The following DPP6 variants were observed in gnomAD, a reference collection of about 807,000 sequenced individuals.
The protein encoded by DPP6 is dipeptidyl peptidase like 6.
In DPP6, 69 loss-of-function variants were observed where a neutral mutation model predicts 122.6. That is an observed-to-expected ratio of 0.56 (90% CI 0.46 to 0.69). The LOEUF is 0.69. DPP6 is among the 30% of genes least tolerant of loss of function. The pLI, the probability that DPP6 is intolerant of heterozygous loss-of-function variation, is 0.00. For missense variants in DPP6, 928 were observed against 1,116.9 expected (o/e 0.83, Z 2.41); for synonymous variants, 418 against 433.1 (o/e 0.97, Z 0.43).
intron 8 of DPP6, 101 bp from the exon 9 acceptor site, chr7:154,769,316 G>A: frequency 1.3e-6 from 2 of 1,499,844 alleles, no homozygotes; most frequent in Admixed American, 1.7e-5. Context: ...GGGCTCTGCA[G>A]GGACTCGTTT....
chr7:153,766,844 C>T, the DPP6 span, among the ~76,000 whole-genome samples: 1 of 152,176 alleles, frequency 6.6e-6, no homozygotes, highest in East Asian at 1.9e-4. Flanking sequence ...TTTCCTGGCT[C>T]ACACATTTTA....
At chr7:154,372,688 A>G (rs1812776367) in intron 1 of DPP6, among the ~76,000 whole-genome samples, 1 of 152,210 alleles carries the variant, frequency 6.6e-6, no homozygotes, top group African/African-American at 2.4e-5. Flanking sequence ...GCCAAAAGAG[A>G]CAGCTAAAAC....
intron 1 of DPP6, among the ~76,000 whole-genome samples, chr7:154,089,458 C>T (rs1804653938): frequency 7.8e-6 from 1 of 128,924 alleles, no homozygotes; most frequent in Non-Finnish European, 1.6e-5. Context: ...ACTCACCACA[C>T]CCCTCCGTTC....
intron 1 of DPP6, among the ~76,000 whole-genome samples, chr7:154,116,521 T>C (rs1806997339): frequency 6.6e-6 from 1 of 152,226 alleles, no homozygotes; most frequent in Admixed American, 6.5e-5. Flanking sequence ...GCAAACAGTT[T>C]ACTTTCCCCA....
intron 7 of DPP6, among the ~76,000 whole-genome samples, chr7:154,679,652 TAATGA>T (rs1444420334): frequency 6.6e-6 from 1 of 152,228 alleles, no homozygotes; most frequent in East Asian, 1.9e-4. Flanking sequence ...GGAGAGTCTT[TAATGA>T]AATGTCCTAT....
In DPP6 at chr7:154,503,562, C is replaced by A. The variant is rs191387721; in HGVS notation, c.457+28525C>A. Among the ~76,000 whole-genome samples, 182 of 152,240 alleles carry A rather than the reference C, an allele frequency of 1.2e-3. 2 individuals carry two copies. Among genetic ancestry groups the A allele is most frequent in the Non-Finnish European group, 2.3e-3 (154 of 68,018 alleles). ...AATACAACTTTTGCTTTAGAATCTGCGATTATTGTTTGACTTTAGCTAAGT... is the reference window on the plus strand; with the variant it reads ...AATACAACTTTTGCTTTAGAATCTGAGATTATTGTTTGACTTTAGCTAAGT... On this transcript the variant is annotated intron_variant, in intron 3 of 25. Coordinates refer to ENST00000377770, the MANE Select transcript of DPP6 (RefSeq NM_130797.4).
chr7:154,138,469 C>T (rs1010016425), intron 1 of DPP6, among the ~76,000 whole-genome samples: 21 of 152,322 alleles, frequency 1.4e-4, no homozygotes, highest in African/African-American at 4.6e-4. Context: ...ACTAATTCTG[C>T]TCAAGAACAG....
chr7:154,525,974 A>T (rs1212164144), intron 3 of DPP6, among the ~76,000 whole-genome samples: 1 of 152,180 alleles, frequency 6.6e-6, no homozygotes, highest in Non-Finnish European at 1.5e-5. Flanking sequence ...GGATGTAGTT[A>T]TCATGTTGCG....
At chr7:154,173,426 C>A (rs1430484470) in intron 1 of DPP6, among the ~76,000 whole-genome samples, 1 of 152,182 alleles carries the variant, frequency 6.6e-6, no homozygotes, top group Non-Finnish European at 1.5e-5. Flanking sequence ...TCGAGCAGAT[C>A]CTGGAAGTAA....
At chr7:153,762,831 C>T in the DPP6 span, among the ~76,000 whole-genome samples, 4 of 152,096 alleles carry the variant, frequency 2.6e-5, no homozygotes, top group South Asian at 8.3e-4. Flanking sequence ...TCTCTTCTCT[C>T]CTATTTGAAA....
At chr7:154,393,801 C>A (rs1243949995) in intron 1 of DPP6, among the ~76,000 whole-genome samples, 1 of 152,096 alleles carries the variant, frequency 6.6e-6, no homozygotes, top group Non-Finnish European at 1.5e-5. Flanking sequence ...ACAATCTCTT[C>A]ATTCCTCCCT....
intron 5 of DPP6, among the ~76,000 whole-genome samples, chr7:154,585,121 G>C (rs113338161): frequency 0.017 from 6 of 358 alleles, no homozygotes; most frequent in Non-Finnish European, 0.13. Context: ...CCTGTCTACA[G>C]TCTTGTAGTT....
At chr7:154,521,791 C>T (rs1399467120) in intron 3 of DPP6, among the ~76,000 whole-genome samples, 1 of 152,154 alleles carries the variant, frequency 6.6e-6, no homozygotes, top group Non-Finnish European at 1.5e-5. Context: ...TAATAACCCT[C>T]CTCTCAGTCT....
chr7:154,329,599 G>T (rs1808741456), intron 1 of DPP6, among the ~76,000 whole-genome samples: 1 of 152,172 alleles, frequency 6.6e-6, no homozygotes, highest in Non-Finnish European at 1.5e-5. Context: ...GTGTAAATTA[G>T]TTTAATCATG....
chr7:154,090,421 C>T (rs1480684423), intron 1 of DPP6, among the ~76,000 whole-genome samples: 1 of 152,292 alleles, frequency 6.6e-6, no homozygotes, highest in South Asian at 2.1e-4. Flanking sequence ...AATCCTCTTG[C>T]ATTTAGTTGA....
At chr7:154,213,556 C>T (rs1204792851) in intron 1 of DPP6, among the ~76,000 whole-genome samples, 2 of 152,192 alleles carry the variant, frequency 1.3e-5, no homozygotes, top group East Asian at 1.9e-4. Context: ...TGGCAATGCA[C>T]GTCCAAGAAG....
intron 7 of DPP6, among the ~76,000 whole-genome samples, chr7:154,696,540 A>G (rs1201424797): frequency 6.6e-6 from 1 of 152,168 alleles, no homozygotes; most frequent in African/African-American, 2.4e-5. Context: ...CCCACTACAG[A>G]TGAAGTACAT....
At chr7:154,673,538 GAGGCCCCC>G (rs1258992187) in intron 7 of DPP6, among the ~76,000 whole-genome samples, 1 of 152,208 alleles carries the variant, frequency 6.6e-6, no homozygotes, top group East Asian at 1.9e-4. Context: ...TGGGTGGGAG[GAGGCCCCC>G]AGGCTGCCAG....
At chr7:154,530,454 C>A (rs559964882) in intron 3 of DPP6, among the ~76,000 whole-genome samples, 1 of 152,122 alleles carries the variant, frequency 6.6e-6, no homozygotes, top group African/African-American at 2.4e-5. Context: ...CCATCTCATG[C>A]CAGTTATCCC....
Sources: allele counts gnomAD v4.1 joint callset (sites outside exome capture counted in the v4.1 genomes callset), GRCh38; gene constraint gnomAD v4.1.1; transcripts MANE v1.5; gene names NCBI Gene and HGNC (gene_info 2026-07-23, HGNC 2026-07-21).